The following CDH13 variants were observed in gnomAD, a reference collection of about 807,000 sequenced individuals.
CDH13 encodes the protein cadherin 13.
Under a neutral mutation model 63.8 loss-of-function variants are expected in CDH13, and 24 were observed. The observed-to-expected ratio is 0.38, with a 90% CI of 0.27 to 0.53. The LOEUF (loss-of-function observed/expected upper bound fraction) is 0.53, where lower values mean the gene tolerates loss of function less well. Among genes scored for constraint, CDH13 ranks in the 20% least tolerant of loss-of-function variants. The pLI is 0.85. For missense variants in CDH13, 1,049 were observed against 903.1 expected (o/e 1.16, Z -2.07); for synonymous variants, 503 against 355.3 (o/e 1.42, Z -4.67).
chr16:82,681,463 A>G (rs1170695625), intron 1 of CDH13, among the ~76,000 whole-genome samples: 1 of 152,246 alleles, frequency 6.6e-6, no homozygotes, highest in African/African-American at 2.4e-5. Context: ...TCCAGATGTC[A>G]TTAATGGCCA....
chr16:83,055,473 G>C (rs1022817147), intron 3 of CDH13, among the ~76,000 whole-genome samples: 1 of 151,594 alleles, frequency 6.6e-6, no homozygotes, highest in Admixed American at 6.6e-5. Flanking sequence ...AGAAGGCATT[G>C]TTAATACATT....
chr16:82,692,184 G>C (rs1915710152), intron 1 of CDH13, among the ~76,000 whole-genome samples: 1 of 152,210 alleles, frequency 6.6e-6, no homozygotes, highest in Admixed American at 6.5e-5. Flanking sequence ...GGAAGAAATA[G>C]GCAGAGAAGC....
At position 83,708,983 on chromosome 16, in the gene CDH13, C is replaced by T. The variant is rs190874063; in HGVS notation, c.1538+30522C>T. Among the ~76,000 whole-genome samples the T allele has an allele frequency of 9.9e-5, 15 of 152,264 alleles. No individual in the cohort carries two copies. The East Asian group carries it at 2.7e-3, about 27-fold the overall frequency. On this transcript the variant is annotated intron_variant, in intron 10 of 13. Transcript: ENST00000567109. Reference sequence around the variant, plus strand: ...AGGTTGTGATGAGCCAAGATCATGCCACTGCCCTCTAGTCTGGGCAACAGA... The same window carrying T: ...AGGTTGTGATGAGCCAAGATCATGCTACTGCCCTCTAGTCTGGGCAACAGA...
At chr16:82,829,950 T>C (rs941755203) in intron 1 of CDH13, among the ~76,000 whole-genome samples, 11 of 152,234 alleles carry the variant, frequency 7.2e-5, no homozygotes, top group Non-Finnish European at 1.5e-5. Context: ...AGGAAAATAG[T>C]AATAAAGACG....
chr16:83,406,863 T>A (rs117007734), intron 6 of CDH13, among the ~76,000 whole-genome samples: 1 of 152,208 alleles, frequency 6.6e-6, no homozygotes, highest in Non-Finnish European at 1.5e-5. Flanking sequence ...TCTACCTCAA[T>A]AGAGTATTGT....
intron 2 of CDH13, among the ~76,000 whole-genome samples, chr16:82,914,785 A>G (rs1162142644): frequency 1.3e-5 from 2 of 152,206 alleles, no homozygotes; most frequent in East Asian, 1.9e-4. Context: ...CTCCATTTAG[A>G]CATCAGTGTT....
At chr16:82,726,516 T>TG (rs1334294514) in intron 1 of CDH13, among the ~76,000 whole-genome samples, 3 of 152,312 alleles carry the variant, frequency 2.0e-5, no homozygotes, top group African/African-American at 7.2e-5. Context: ...AGGTGGTAGG[T>TG]GGGATCTTGC....
At chr16:83,294,394 A>G (rs2151868726) in intron 5 of CDH13, among the ~76,000 whole-genome samples, 1 of 152,188 alleles carries the variant, frequency 6.6e-6, no homozygotes, top group African/African-American at 2.4e-5. Context: ...ACAACTCCCA[A>G]TTCCCTGCAA....
At chr16:83,230,624 TAA>T (rs1398164558) in intron 5 of CDH13, among the ~76,000 whole-genome samples, 1 of 152,080 alleles carries the variant, frequency 6.6e-6, no homozygotes, top group East Asian at 1.9e-4. Context: ...CCATCTCTAC[TAA>T]AAACACAAAA....
intron 2 of CDH13, among the ~76,000 whole-genome samples, chr16:82,947,474 A>C (rs182182465): frequency 6.6e-6 from 1 of 152,192 alleles, no homozygotes; most frequent in African/African-American, 2.4e-5. Flanking sequence ...GTTAACTACG[A>C]TAATTATCTT....
intron 3 of CDH13, among the ~76,000 whole-genome samples, chr16:83,082,137 A>G (rs914766264): frequency 6.6e-6 from 1 of 152,156 alleles, no homozygotes; most frequent in Non-Finnish European, 1.5e-5. Flanking sequence ...TCCAAATGTT[A>G]TCACATTGGG....
In CDH13 at chr16:83,103,535, C is replaced by T. The variant is rs765349403; in HGVS notation, c.367-21850C>T. Among the ~76,000 whole-genome samples, 12 of 152,238 alleles carry T rather than the reference C, an allele frequency of 7.9e-5. 1 individual carries two copies. The highest frequency in any genetic ancestry group is 4.1e-4 in the South Asian group (2 of 4,822). ...TACTGAGATTACAGGCATGAGCCACCGTGCCCGGCTAATTAAACTTTTAAT... is the reference window on the plus strand; with the variant it reads ...TACTGAGATTACAGGCATGAGCCACTGTGCCCGGCTAATTAAACTTTTAAT... On this transcript the variant is annotated intron_variant, in intron 3 of 13. Coordinates refer to ENST00000567109, the MANE Select transcript of CDH13 (RefSeq NM_001257.5).
chr16:82,767,573 C>T (rs796627358), intron 1 of CDH13, among the ~76,000 whole-genome samples: 2 of 152,356 alleles, frequency 1.3e-5, no homozygotes, highest in African/African-American at 4.8e-5. Flanking sequence ...TTGTGTGCTC[C>T]TGGTCCCTGC....
chr16:83,566,364 T>G (rs1172549952), intron 7 of CDH13, among the ~76,000 whole-genome samples: 2 of 152,214 alleles, frequency 1.3e-5, no homozygotes, highest in African/African-American at 4.8e-5. Flanking sequence ...CCTGCTGGAA[T>G]GGGAGTTCCA....
intron 8 of CDH13, among the ~76,000 whole-genome samples, chr16:83,654,355 T>C (rs1912673702): frequency 6.6e-6 from 1 of 152,036 alleles, no homozygotes; most frequent in Non-Finnish European, 1.5e-5. Flanking sequence ...CATTAGGGTA[T>C]AGGCCATAGT....
intron 3 of CDH13, among the ~76,000 whole-genome samples, chr16:83,037,288 C>A (rs370130245): frequency 6.6e-6 from 1 of 152,134 alleles, no homozygotes; most frequent in Admixed American, 6.5e-5. Flanking sequence ...GATATGGGAA[C>A]CTTGCCAAGA....
intron 8 of CDH13, among the ~76,000 whole-genome samples, chr16:83,653,718 C>G (rs1185082909): frequency 1.3e-5 from 2 of 152,266 alleles, no homozygotes; most frequent in African/African-American, 2.4e-5. Context: ...TTCTCTTACC[C>G]TGCTTTATTT....
chr16:83,651,154 C>T (rs1383434705), intron 8 of CDH13, among the ~76,000 whole-genome samples: 5 of 151,780 alleles, frequency 3.3e-5, no homozygotes, highest in South Asian at 2.1e-4. Flanking sequence ...TATAAGAGAC[C>T]CCTAGCTCTA....
At chr16:83,080,068 T>C (rs7190151) in intron 3 of CDH13, among the ~76,000 whole-genome samples, 13,226 of 152,250 alleles carry the variant, frequency 0.087, 889 homozygotes, top group African/African-American at 0.19. Context: ...ATTTATTTTA[T>C]TAGGATCCCG....
Sources: gnomAD v4.1 joint callset for allele counts (sites outside exome capture counted in the v4.1 genomes callset) on GRCh38, gnomAD v4.1.1 for gene constraint, MANE v1.5 for transcripts, NCBI Gene and HGNC (gene_info 2026-07-23, HGNC 2026-07-21) for gene names.